Variants in PHACTR3 observed in about 807,000 individuals in gnomAD.
The protein encoded by PHACTR3 is protein phosphatase 1, regulatory subunit 123.
In PHACTR3, 16 loss-of-function variants were observed where a neutral mutation model predicts 66.8. The ratio of observed to expected loss-of-function variants is 0.24; its 90% CI spans 0.16 to 0.36. The LOEUF is 0.36. PHACTR3 is among the 10% of genes least tolerant of loss of function. PHACTR3 has a pLI of 1.00. For synonymous variants in PHACTR3, 323 were observed against 292.1 expected (o/e 1.11, Z -1.08); for missense variants, 647 against 719.9 (o/e 0.90, Z 1.16).
intron 1 of PHACTR3, among the ~76,000 whole-genome samples, chr20:59,598,399 C>G (rs1051184976): frequency 6.6e-6 from 1 of 152,310 alleles, no homozygotes; most frequent in East Asian, 1.9e-4. Flanking sequence ...CACGGAGGCT[C>G]AGCGGGGCCA....
intron 8 of PHACTR3, among the ~76,000 whole-genome samples, chr20:59,818,123 T>A (rs1266094608): frequency 6.6e-6 from 1 of 152,150 alleles, no homozygotes; most frequent in Non-Finnish European, 1.5e-5. Context: ...AGCTCCACCC[T>A]TGCTCTAAGG....
chr20:59,639,247 C>A (rs774774745), intron 1 of PHACTR3, among the ~76,000 whole-genome samples: 19 of 152,026 alleles, frequency 1.2e-4, no homozygotes, highest in Non-Finnish European at 2.2e-4. Flanking sequence ...GAAGGACAGT[C>A]ATTTGAAGAG....
intron 1 of PHACTR3, among the ~76,000 whole-genome samples, chr20:59,613,242 G>A (rs2033916754): frequency 6.6e-6 from 1 of 152,220 alleles, no homozygotes; most frequent in African/African-American, 2.4e-5. Context: ...GAAGATAAAG[G>A]TTTTCCTTCC....
At chr20:59,799,711 CTT>C (rs2041357614) in intron 7 of PHACTR3, among the ~76,000 whole-genome samples, 1 of 152,038 alleles carries the variant, frequency 6.6e-6, no homozygotes, top group African/African-American at 2.4e-5. Flanking sequence ...ATATATAAGA[CTT>C]GTTGGCAGCA....
intron 1 of PHACTR3, among the ~76,000 whole-genome samples, chr20:59,677,013 G>T (rs1316541881): frequency 6.6e-6 from 1 of 151,948 alleles, no homozygotes; most frequent in African/African-American, 2.4e-5. Flanking sequence ...GATCAGCCCT[G>T]GGTTTCTGGC....
intron 1 of PHACTR3, among the ~76,000 whole-genome samples, chr20:59,606,371 A>G (rs1315530867): frequency 6.6e-6 from 1 of 151,564 alleles, no homozygotes; most frequent in Non-Finnish European, 1.5e-5. Context: ...TGTTAAGACT[A>G]TTGACACTGT....
intron 1 of PHACTR3, among the ~76,000 whole-genome samples, chr20:59,577,867 C>G (rs1038336154): frequency 6.6e-6 from 1 of 152,216 alleles, no homozygotes; most frequent in Non-Finnish European, 1.5e-5. Flanking sequence ...GGGTCAGAAG[C>G]GCTGGCGTTG....
At chr20:59,589,453 G>C (rs1355385827) in intron 1 of PHACTR3, among the ~76,000 whole-genome samples, 1 of 152,104 alleles carries the variant, frequency 6.6e-6, no homozygotes, top group African/African-American at 2.4e-5. Flanking sequence ...TCATTGCTAC[G>C]GCTGCAGAAC....
intron 8 of PHACTR3, among the ~76,000 whole-genome samples, chr20:59,831,157 T>C (rs1259738408): frequency 6.6e-6 from 1 of 152,184 alleles, no homozygotes; most frequent in African/African-American, 2.4e-5. Context: ...GGGTCACCTG[T>C]TTGGCTGGTG....
chr20:59,818,600 A>G (rs1291355423), intron 8 of PHACTR3, among the ~76,000 whole-genome samples: 1 of 152,216 alleles, frequency 6.6e-6, no homozygotes, highest in Non-Finnish European at 1.5e-5. Context: ...CTGTATCTCC[A>G]GTCCCTAGAA....
chr20:59,621,802 C>T (rs1474185701), intron 1 of PHACTR3, among the ~76,000 whole-genome samples: 2 of 152,152 alleles, frequency 1.3e-5, no homozygotes, highest in Non-Finnish European at 2.9e-5. Flanking sequence ...GTGCAGAGGA[C>T]AAAGGAAGGG....
chr20:59,623,682 G>A (rs1287943456), intron 1 of PHACTR3, among the ~76,000 whole-genome samples: 2 of 152,226 alleles, frequency 1.3e-5, no homozygotes, highest in Non-Finnish European at 2.9e-5. Context: ...AGATGAAGGT[G>A]GGGTGGGGAT....
chr20:59,746,606 T>G (rs1392139766), intron 2 of PHACTR3, among the ~76,000 whole-genome samples: 1 of 152,230 alleles, frequency 6.6e-6, no homozygotes, highest in African/African-American at 2.4e-5. Context: ...GGAAATGCTT[T>G]TGAGTAAGTG....
intron 3 of PHACTR3, among the ~76,000 whole-genome samples, chr20:59,752,351 G>A (rs893719963): frequency 1.1e-4 from 17 of 152,302 alleles, no homozygotes; most frequent in African/African-American, 3.1e-4. Context: ...ACTGCCCCGC[G>A]CTCCCCTCTG....
At chr20:59,679,350 T>A (rs1041015988) in intron 1 of PHACTR3, among the ~76,000 whole-genome samples, 2 of 152,186 alleles carry the variant, frequency 1.3e-5, no homozygotes, top group Non-Finnish European at 2.9e-5. Flanking sequence ...ATGAAGTGCG[T>A]GTACATGCAC....
chr20:59,722,036 C>T (rs1305061975), intron 1 of PHACTR3, among the ~76,000 whole-genome samples: 4 of 152,090 alleles, frequency 2.6e-5, no homozygotes, highest in Non-Finnish European at 5.9e-5. Context: ...CGAGACCATC[C>T]TGGCTAACAC....
intron 7 of PHACTR3, among the ~76,000 whole-genome samples, chr20:59,798,352 CA>C (rs2041314015): frequency 6.6e-6 from 1 of 152,174 alleles, no homozygotes; most frequent in South Asian, 2.1e-4. Context: ...GATTAAGTTT[CA>C]ACATGAATTT....
intron 7 of PHACTR3, among the ~76,000 whole-genome samples, chr20:59,781,326 G>A (rs981064326): frequency 6.6e-6 from 1 of 152,208 alleles, no homozygotes; most frequent in Non-Finnish European, 1.5e-5. Context: ...CCTCAAGAAG[G>A]CCTCTCGATG....
intron 1 of PHACTR3, among the ~76,000 whole-genome samples, chr20:59,678,965 T>TGGGGGGGGGGGG (rs576468250): frequency 1.3e-5 from 1 of 74,548 alleles, no homozygotes; most frequent in African/African-American, 4.9e-5. Context: ...CTGGGTGGGG[T>TGGGGGGGGGGGG]GGGGGGGCAA....
Sources: gnomAD v4.1 joint callset for allele counts (sites outside exome capture counted in the v4.1 genomes callset) on GRCh38, gnomAD v4.1.1 for gene constraint, MANE v1.5 for transcripts, NCBI Gene and HGNC (gene_info 2026-07-23, HGNC 2026-07-21) for gene names.